DCTN5: variants seen among roughly 807,000 people sequenced by gnomAD.
DCTN5 encodes dynactin subunit 5.
Under a neutral mutation model 23.5 loss-of-function variants are expected in DCTN5, and 14 were observed. The observed-to-expected ratio is 0.60, with a 90% CI of 0.39 to 0.93. The LOEUF (loss-of-function observed/expected upper bound fraction) is 0.93, where lower values mean the gene tolerates loss of function less well. Ranked by LOEUF, DCTN5 falls within the 40% of genes least tolerant of loss-of-function variation. DCTN5 has a pLI of 0.00. For synonymous variants in DCTN5, 67 were observed against 79.6 expected (o/e 0.84, Z 0.84); for missense variants, 156 against 225.9 (o/e 0.69, Z 1.98).
At position 23,670,626 on chromosome 16, in the gene DCTN5, G is replaced by C. The variant is rs1208729166; in HGVS notation, c.*3482G>C. On this transcript the variant is annotated 3_prime_UTR_variant, in exon 6 of 6. Coordinates refer to ENST00000300087, the MANE Select transcript of DCTN5 (RefSeq NM_032486.4). Reference sequence around the variant, plus strand: ...GTCAAATCCAGCTGGCTGGTCTCCTGGGGGTTAGCTTCCATGGAGCTGCAA... The same window carrying C: ...GTCAAATCCAGCTGGCTGGTCTCCTCGGGGTTAGCTTCCATGGAGCTGCAA... The C allele has an allele frequency of 6.6e-6, 1 of 152,134 alleles. No homozygotes were observed. The highest frequency in any genetic ancestry group is 1.5e-5 in the Non-Finnish European group (1 of 68,042). The allele number at this position is 152,134 out of a possible 1,614,324, so 9.4% of individuals were successfully genotyped here.
At chr16:23,653,542 A>T (rs1307076272) in intron 2 of DCTN5, among the ~76,000 whole-genome samples, 1 of 152,228 alleles carries the variant, frequency 6.6e-6, no homozygotes, top group African/African-American at 2.4e-5. Context: ...ACCATATAGA[A>T]AAATCAACTC....
Position 23,661,266 on chromosome 16 carries a change from G to A in DCTN5, c.333G>A (p.Gly111=). 6.2e-7 allele frequency: 1 copy of A among 1,611,250 alleles called. No homozygotes were observed. Among genetic ancestry groups the A allele is most frequent in the Non-Finnish European group, 8.5e-7 (1 of 1,178,648 alleles). Residue 111 remains glycine, a synonymous_variant, in exon 4 of 6, where the codon GGG becomes GGA. Transcript: ENST00000300087. ...AAQIGSYVHV[G]KNCVIGRRCV... is the part of the protein sequence containing the mutation. ...AGATTGGTTCCTATGTTCATGTTGG[G>A]AAGAACTGTGTGATTGTGAGTATGA...
At chr16:23,654,319 G>T (rs906428195) in intron 2 of DCTN5, among the ~76,000 whole-genome samples, 14 of 152,052 alleles carry the variant, frequency 9.2e-5, no homozygotes, top group African/African-American at 2.9e-4. Flanking sequence ...TGTGGTACAG[G>T]TACACCATGA....
rs1052746855 is a variant in DCTN5, at chr16:23,658,510, A to G, written c.121A>G (p.Ile41Val). 7 of 1,612,392 alleles carry G rather than the reference A, an allele frequency of 4.3e-6. No homozygotes were observed. The highest frequency in any genetic ancestry group is 1.7e-5 in the Admixed American group (1 of 60,002). Residue 41 changes from isoleucine (I) to valine (V), a missense_variant, in exon 3 of 6, where the codon ATT becomes GTT. Transcript: ENST00000300087. ...TAAAATTTGCTTCGTCTTACAGACC[A>G]TTGTGATGAATGACTGTATTATCCG... ...SQNIVLNGKT[I>V]VMNDCIIRGD...
intron 2 of DCTN5, among the ~76,000 whole-genome samples, chr16:23,646,928 A>G (rs963824372): frequency 4.6e-5 from 7 of 152,130 alleles, no homozygotes; most frequent in Non-Finnish European, 8.8e-5. Context: ...GTTCTTTTGA[A>G]TGTAGAAATA....
At position 23,676,208 on chromosome 16, in the gene DCTN5, GGTTCAGACAGCA is replaced by G. The variant is rs1184749302; in HGVS notation, c.*9065_*9076del. ...AGGTCAGGTTGAAAAAAAAAAAAAA[GGTTCAGACAGCA>G]ATTAAGGGCTGGGCACGGTGGCTCA... On this transcript the variant is annotated 3_prime_UTR_variant, in exon 6 of 6. Coordinates refer to ENST00000300087, the MANE Select transcript of DCTN5 (RefSeq NM_032486.4). 2 of 148,840 alleles carry G rather than the reference GGTTCAGACAGCA, an allele frequency of 1.3e-5. No individual in the cohort carries two copies. The highest frequency in any genetic ancestry group is 5.0e-5 in the African/African-American group (2 of 39,638). The allele number at this position is 148,840 out of a possible 1,614,324, so 9.2% of individuals were successfully genotyped here. A position where few individuals can be genotyped will look rare whatever the true frequency, so the allele number is the denominator to read the frequency against.
In DCTN5 at chr16:23,643,101, A is replaced by G. The variant is rs1967338175; in HGVS notation, c.117+78A>G. 4.4e-6 allele frequency: 5 copies of G among 1,149,036 alleles called. No homozygotes were observed. In the Admixed American group the frequency reaches 7.3e-5, roughly 17 times the overall value. The allele number at this position is 1,149,036 out of a possible 1,614,324, so 71.2% of individuals were successfully genotyped here. A position where few individuals can be genotyped will look rare whatever the true frequency, so the allele number is the denominator to read the frequency against. ...TTGTCACCACAGCAGGGCAGATAAA[A>G]TGTTGCCATATCTCCTATTTATTGT... is the stretch of plus-strand genomic sequence containing the variant. On this transcript the variant is annotated intron_variant, in intron 2 of 5. Coordinates refer to ENST00000300087, the MANE Select transcript of DCTN5 (RefSeq NM_032486.4).
intron 1 of DCTN5, among the ~76,000 whole-genome samples, chr16:23,642,330 T>C (rs1967302859): frequency 6.6e-6 from 1 of 152,228 alleles, no homozygotes; most frequent in African/African-American, 2.4e-5. Flanking sequence ...TGGTTTTCTT[T>C]GCTTTCTCAC....
At chr16:23,659,339 T>C (rs1231280320) in intron 3 of DCTN5, among the ~76,000 whole-genome samples, 1 of 152,212 alleles carries the variant, frequency 6.6e-6, no homozygotes, top group Non-Finnish European at 1.5e-5. Flanking sequence ...TAGCTGATAA[T>C]GGTGCTAAAG....
rs1346952612 is a variant in DCTN5 at position 23,658,585 on chromosome 16, C to T, written c.196C>T (p.Arg66Cys). The T allele has an allele frequency of 1.9e-6, 3 of 1,614,100 alleles. No homozygotes were observed. Among genetic ancestry groups the T allele is most frequent in the Admixed American group, 1.7e-5 (1 of 60,020 alleles). ...TGGACGTCATTGTGTTGTGAAAAGT[C>T]GTAGTGTCATAAGGCCACCATTCAA... Reference protein sequence around the residue: ...RVGRHCVVKSRSVIRPPFKKF... With the variant: ...RVGRHCVVKSCSVIRPPFKKF... Residue 66 changes from arginine to cysteine, a missense_variant, in exon 3 of 6, where the codon CGT becomes TGT. Arg to Cys is a radical substitution (Grantham distance 180, BLOSUM62 -3). Coordinates refer to ENST00000300087, the MANE Select transcript of DCTN5 (RefSeq NM_032486.4).
At position 23,654,034 on chromosome 16, in the gene DCTN5, A is replaced by T. The variant is rs185819540; in HGVS notation, c.118-4473A>T. Among the ~76,000 whole-genome samples the T allele has an allele frequency of 2.0e-5, 3 of 152,318 alleles. No individual in the cohort carries two copies. In the East Asian group the frequency reaches 5.8e-4, roughly 29 times the overall value. On this transcript the variant is annotated intron_variant, in intron 2 of 5. Coordinates refer to ENST00000300087, the MANE Select transcript of DCTN5 (RefSeq NM_032486.4). ...GCTGTTATTAAAAAGTCAGAAAATA[A>T]CAGATGCTGGTGAGGTTGTGAAGAA...
rs1477755844 is a variant in DCTN5, at chr16:23,643,497, T to C, written c.117+474T>C. ...TGTGAGCCACTGCACCCAGCCTAAG[T>C]TGGATCTCTTGAATGCAAAAAGGTT... On this transcript the variant is annotated intron_variant, in intron 2 of 5. Coordinates refer to ENST00000300087, the MANE Select transcript of DCTN5 (RefSeq NM_032486.4). 2.6e-5 allele frequency among the ~76,000 whole-genome samples: 4 copies of C among 152,000 alleles called. No individual in the cohort carries two copies. The East Asian group carries it at 7.7e-4, about 29-fold the overall frequency.
chr16:23,657,994 T>C (rs552195622), intron 2 of DCTN5, among the ~76,000 whole-genome samples: 1 of 152,316 alleles, frequency 6.6e-6, no homozygotes, highest in Non-Finnish European at 1.5e-5. Flanking sequence ...GAACAACTTC[T>C]GGGGAAGCCA....
At chr16:23,642,829 C>T in intron 1 of DCTN5, 126 bp from the exon 2 acceptor site, 1 of 754,958 alleles carries the variant, frequency 1.3e-6, no homozygotes, top group Non-Finnish European at 2.3e-6. Context: ...ATCCTGGACT[C>T]ACTCCATTGT....
rs1967940510 is a variant in DCTN5 at position 23,668,143 on chromosome 16, A to G, written c.*999A>G. On this transcript the variant is annotated 3_prime_UTR_variant, in exon 6 of 6. Coordinates refer to ENST00000300087, the MANE Select transcript of DCTN5 (RefSeq NM_032486.4). ...CCATCTCCTTCTGGCCAAATAGCAC[A>G]ACATTTCCTCGTTCTGCTCTGACCT... 1 of 152,196 alleles carries G rather than the reference A, an allele frequency of 6.6e-6. No homozygotes were observed. Among genetic ancestry groups the G allele is most frequent in the Admixed American group, 6.5e-5 (1 of 15,284 alleles). 9.4% of individuals were successfully genotyped at this position (152,196 alleles called of 1,614,324 possible).
intron 2 of DCTN5, among the ~76,000 whole-genome samples, chr16:23,657,881 C>G (rs1050061005): frequency 6.6e-6 from 1 of 152,222 alleles, no homozygotes; most frequent in Non-Finnish European, 1.5e-5. Flanking sequence ...AGTTACAACT[C>G]CAGCATATGC....
chr16:23,642,918 A>T, intron 1 of DCTN5, 37 bp from the exon 2 acceptor site: 1 of 1,588,718 alleles, frequency 6.3e-7, no homozygotes, highest in South Asian at 1.1e-5. Flanking sequence ...AAACCTATTA[A>T]GTTTGCTTTC....
chr16:23,665,828 G>A, intron 5 of DCTN5, 100 bp downstream of exon 5: 2 of 956,914 alleles, frequency 2.1e-6, no homozygotes, highest in Non-Finnish European at 3.2e-6. Flanking sequence ...CTGGCAATAT[G>A]TTGATAGAGC....
intron 3 of DCTN5, 33 bp downstream of exon 3, chr16:23,658,658 G>A (rs1255123543): frequency 1.9e-6 from 3 of 1,552,514 alleles, no homozygotes; most frequent in African/African-American, 1.4e-5. Flanking sequence ...TCAAGTCTTG[G>A]GCAAGAAGCT....
Sources: allele counts gnomAD v4.1 joint callset (sites outside exome capture counted in the v4.1 genomes callset), GRCh38; gene constraint gnomAD v4.1.1; transcripts MANE v1.5; gene names NCBI Gene and HGNC (gene_info 2026-07-23, HGNC 2026-07-21).